FRMD7: variants seen among roughly 807,000 people sequenced by gnomAD.
The protein encoded by FRMD7 is FERM domain-containing protein 7.
In FRMD7, 14 loss-of-function variants were observed where a neutral mutation model predicts 44.1. The ratio of observed to expected loss-of-function variants is 0.32; its 90% CI spans 0.21 to 0.50. The LOEUF is 0.50. Ranked by LOEUF, FRMD7 falls within the 20% of genes least tolerant of loss-of-function variation. The pLI is 0.99. For missense variants in FRMD7, 501 were observed against 522.3 expected, an observed-to-expected ratio of 0.96 and a Z score of 0.40; for synonymous variants, 212 against 187.4, an observed-to-expected ratio of 1.13 and a Z score of -1.07.
chrX:132,112,474 T>C (rs1337761492), intron 1 of FRMD7, among the ~76,000 whole-genome samples: 2 of 111,728 alleles, frequency 1.8e-5, no homozygotes, highest in Non-Finnish European at 3.8e-5. Flanking sequence ...TTTGACTGGG[T>C]ACTTAAGGTT....
chrX:132,117,089 T>C (rs1317795890), intron 1 of FRMD7, among the ~76,000 whole-genome samples: 1 of 112,436 alleles, frequency 8.9e-6, no homozygotes, highest in East Asian at 2.8e-4. Context: ...TTCAATGAGC[T>C]GATACATGTA....
At chrX:132,088,161 A>C (rs1454742700) in intron 5 of FRMD7, among the ~76,000 whole-genome samples, 1 of 112,540 alleles carries the variant, frequency 8.9e-6, no homozygotes, top group Non-Finnish European at 1.9e-5. Context: ...GGTTCTAGTC[A>C]GTGCAGTCAG....
intron 1 of FRMD7, among the ~76,000 whole-genome samples, chrX:132,111,148 C>T (rs908950727): frequency 9.0e-6 from 1 of 111,363 alleles, no homozygotes; most frequent in African/African-American, 3.3e-5. Flanking sequence ...TCCAGCCTGG[C>T]CAACAAAGCA....
At chrX:132,099,169 A>G (rs1025680921) in intron 3 of FRMD7, among the ~76,000 whole-genome samples, 1 of 112,134 alleles carries the variant, frequency 8.9e-6, no homozygotes, top group Non-Finnish European at 1.9e-5. Context: ...GACATCAAGG[A>G]TGCTCGAAGA....
At chrX:132,115,681 T>G (rs963752692) in intron 1 of FRMD7, among the ~76,000 whole-genome samples, 4 of 112,233 alleles carry the variant, frequency 3.6e-5, no homozygotes, top group Non-Finnish European at 7.5e-5. Context: ...GTGGAATTAT[T>G]TGTACAGAAG....
intron 1 of FRMD7, among the ~76,000 whole-genome samples, chrX:132,113,798 C>T (rs775715398): frequency 9.0e-6 from 1 of 111,291 alleles, no homozygotes; most frequent in South Asian, 3.8e-4. Context: ...CAATTACACT[C>T]TTTTAGTTAT....
chrX:132,101,821 G>A (rs1209947467), intron 1 of FRMD7, among the ~76,000 whole-genome samples: 2 of 111,494 alleles, frequency 1.8e-5, no homozygotes, highest in African/African-American at 3.3e-5. Flanking sequence ...AGCTCTCTGT[G>A]AAAAATTTCT....
chrX:132,116,035 AT>A (rs1355008618), intron 1 of FRMD7, among the ~76,000 whole-genome samples: 1 of 111,505 alleles, frequency 9.0e-6, no homozygotes, highest in Non-Finnish European at 1.9e-5. Flanking sequence ...CAGGAAAAAA[AT>A]TATTACTCTA....
At chrX:132,124,824 C>T (rs1029620052) in intron 1 of FRMD7, among the ~76,000 whole-genome samples, 4 of 111,905 alleles carry the variant, frequency 3.6e-5, no homozygotes, top group African/African-American at 1.3e-4. Flanking sequence ...TGTGCTCTTG[C>T]TCACGAACTT....
chrX:132,122,346 G>A (rs1264772870), intron 1 of FRMD7, among the ~76,000 whole-genome samples: 1 of 111,862 alleles, frequency 8.9e-6, no homozygotes, highest in African/African-American at 3.2e-5. Flanking sequence ...GTTTGGTCTA[G>A]AATTCAGGTC....
In FRMD7 at chrX:132,080,073, T is replaced by C. The variant is rs145630934; in HGVS notation, c.983A>G (p.Tyr328Cys). The part of the protein sequence containing the change: ...LKSLPFERKH[Y>C]PSQYHERQCR... Reference sequence around the variant, plus strand: ...CTGTCGTTCATGGTACTGAGATGGGTAATGTTTCCTGAAATCCCCAAGCAG... The same window carrying C: ...CTGTCGTTCATGGTACTGAGATGGGCAATGTTTCCTGAAATCCCCAAGCAG... Residue 328 changes from tyrosine (Y) to cysteine (C), a missense_variant, in exon 11 of 12, where the codon TAC (tyrosine) becomes TGC (cysteine). Coordinates refer to ENST00000298542, the MANE Select transcript of FRMD7 (RefSeq NM_194277.3). The C allele has an allele frequency of 8.4e-7, 1 of 1,191,678 alleles. No homozygotes were observed. Among genetic ancestry groups the C allele is most frequent in the Non-Finnish European group, 1.1e-6 (1 of 878,659 alleles).
chrX:132,091,383 C>T (rs1928165087), intron 5 of FRMD7, among the ~76,000 whole-genome samples: 1 of 111,300 alleles, frequency 9.0e-6, no homozygotes, highest in African/African-American at 3.3e-5. Context: ...CCCAGGCATG[C>T]TCTCACCTCA....
chrX:132,094,128 G>T lies in FRMD7; in HGVS notation c.296C>A (p.Thr99Asn). 8.9e-7 allele frequency: 1 copy of T among 1,117,723 alleles called. No homozygotes were observed. Among genetic ancestry groups the T allele is most frequent in the Non-Finnish European group, 1.2e-6 (1 of 809,793 alleles). The allele number at this position is 1,117,723 out of a possible 1,213,427, so 92.1% of individuals were successfully genotyped here. The change falls in exon 5 of 12, where the codon ACT becomes AAT. Residue 99 changes from threonine to asparagine, a missense_variant. By Grantham distance (65) the Thr-to-Asn change is moderately conservative. Coordinates refer to ENST00000298542, the MANE Select transcript of FRMD7 (RefSeq NM_194277.3). ...AGCCAAATCCTTCTTTATTTGAAGA[G>T]TAAAAAGATACCTGCAAAGAAATTG... ...LREELTRYLF[T>N]LQIKKDLALG...
rs1279608531 is a variant in FRMD7, at chrX:132,078,205, C to T, written c.1812G>A (p.Gly604=). Residue 604 remains glycine, a synonymous_variant, in exon 12 of 12, where the codon GGG becomes GGA. Transcript: ENST00000298542. The part of the protein sequence containing the change: ...SDMKTIRFPF[G]SEFRPLGPCP... ...AAGGCCCTAAAGGTCTAAATTCTGA[C>T]CCAAAAGGAAAACGAATAGTTTTCA... 8.3e-7 allele frequency: 1 copy of T among 1,210,045 alleles called. No homozygotes were observed. The highest frequency in any genetic ancestry group is 1.7e-5 in the African/African-American group (1 of 57,190).
intron 4 of FRMD7, among the ~76,000 whole-genome samples, chrX:132,095,665 A>G: frequency 8.9e-6 from 1 of 112,206 alleles, no homozygotes; most frequent in Non-Finnish European, 1.9e-5. Context: ...AAACGATTCA[A>G]TTAGAAAAAT....
At position 132,088,142 on chromosome X, in the gene FRMD7, T is replaced by C. The variant is rs763308942; in HGVS notation, c.383-2108A>G. ...AGTGCCTGCCACATCTATTCAACAT[T>C]GTACTGATGGTTCTAGTCAGTGCAG... On this transcript the variant is annotated intron_variant, in intron 5 of 11. Coordinates refer to ENST00000298542, the MANE Select transcript of FRMD7 (RefSeq NM_194277.3). Among the ~76,000 whole-genome samples the C allele has an allele frequency of 2.1e-4, 24 of 112,361 alleles. No homozygotes were observed. In the Admixed American group the frequency reaches 2.2e-3, roughly 10 times the overall value.
chrX:132,082,663 A>G, intron 8 of FRMD7, 137 bp from the exon 9 acceptor site: 1 of 527,751 alleles, frequency 1.9e-6, no homozygotes, highest in Non-Finnish European at 3.3e-6. Flanking sequence ...TAGGTTTCAC[A>G]CCTGCTGAAA....
At chrX:132,119,607 T>C (rs1450596903) in intron 1 of FRMD7, among the ~76,000 whole-genome samples, 4 of 110,826 alleles carry the variant, frequency 3.6e-5, no homozygotes, top group Non-Finnish European at 7.6e-5. Flanking sequence ...GAGGAGGAAG[T>C]GGGTAAAGAG....
At chrX:132,111,967 A>G (rs1928788700) in intron 1 of FRMD7, among the ~76,000 whole-genome samples, 1 of 112,128 alleles carries the variant, frequency 8.9e-6, no homozygotes, top group Non-Finnish European at 1.9e-5. Flanking sequence ...GGAATCTCAG[A>G]ACTTCTTGAG....
Sources: gnomAD v4.1 joint callset for allele counts (sites outside exome capture counted in the v4.1 genomes callset) on GRCh38, gnomAD v4.1.1 for gene constraint, MANE v1.5 for transcripts, NCBI Gene and HGNC (gene_info 2026-07-23, HGNC 2026-07-21) for gene names.